NAA16: variants seen among roughly 807,000 people sequenced by gnomAD.
NAA16 encodes N-alpha-acetyltransferase 16, NatA auxiliary subunit.
A neutral mutation model predicts 110.3 loss-of-function variants in NAA16; 97 were observed. The ratio of observed to expected loss-of-function variants is 0.88; its 90% confidence interval spans 0.75 to 1.04. NAA16 has a LOEUF of 1.04. Among genes scored for constraint, NAA16 ranks in the 50% least tolerant of loss-of-function variants. The probability of loss-of-function intolerance (pLI) is 0.00; values close to 1 mark genes in which losing one functional copy is unlikely to be tolerated. For synonymous variants in NAA16, 372 were observed against 330.6 expected (o/e 1.13, Z -1.36); for missense variants, 1,017 against 1,005.1 (o/e 1.01, Z -0.16).
intron 5 of NAA16, among the ~76,000 whole-genome samples, 155 bp downstream of exon 5, chr13:41,323,345 T>TTC (rs1278833925): frequency 6.6e-6 from 1 of 150,642 alleles, no homozygotes; most frequent in Non-Finnish European, 1.5e-5. Context: ...AGGATTATTT[T>TTC]TCTCTCTCTT....
At chr13:41,332,256 A>G (rs1343142491) in intron 8 of NAA16, among the ~76,000 whole-genome samples, 1 of 152,198 alleles carries the variant, frequency 6.6e-6, no homozygotes, top group Non-Finnish European at 1.5e-5. Flanking sequence ...AGAACAGAAC[A>G]TCATCATTCC....
intron 5 of NAA16, among the ~76,000 whole-genome samples, chr13:41,325,274 G>T (rs925709301): frequency 4.2e-5 from 1 of 23,532 alleles, no homozygotes; most frequent in East Asian, 1.7e-3. Flanking sequence ...TACATGCACT[G>T]GGAAACCATA....
At chr13:41,375,230 G>T (rs2043405743) in intron 19 of NAA16, among the ~76,000 whole-genome samples, 175 bp from the exon 20 acceptor site, 1 of 152,110 alleles carries the variant, frequency 6.6e-6, no homozygotes. Flanking sequence ...CTTTTTCGGG[G>T]TTGAATTTTT....
intron 2 of NAA16, among the ~76,000 whole-genome samples, chr13:41,317,178 G>A (rs1348522361): frequency 6.6e-6 from 1 of 152,052 alleles, no homozygotes; most frequent in East Asian, 1.9e-4. Context: ...GAGAAAGTAT[G>A]TATCAGTATT....
Position 41,369,146 on chromosome 13 carries a change from A to G in NAA16, c.1810A>G (p.Lys604Glu), listed in dbSNP as rs2043265409. Residue 604 changes from lysine to glutamate, a missense_variant, in exon 15 of 20, where the codon AAA becomes GAA. By Grantham distance (56) the Lys-to-Glu change is moderately conservative (BLOSUM62 1). Transcript: ENST00000379406. ...GCTTAGCAAGCAGAGAAGAGCTCAG[A>G]AAAAGGCTAAACTAGAAGAAGAAAG... ...KMLSKQRRAQ[K>E]KAKLEEERKH... 6.3e-7 allele frequency: 1 copy of G among 1,590,326 alleles called. No individual in the cohort carries two copies. Among genetic ancestry groups the G allele is most frequent in the South Asian group, 1.2e-5 (1 of 84,690 alleles).
At position 41,316,925 on chromosome 13, in the gene NAA16, A is replaced by G. The variant is rs773311671; in HGVS notation, c.134A>G (p.His45Arg). The change falls in exon 2 of 20, where the codon CAT (histidine) becomes CGT (arginine). Residue 45 changes from histidine (H) to arginine (R), a missense_variant. Coordinates refer to ENST00000379406, the MANE Select transcript of NAA16 (RefSeq NM_024561.5). ...MILSNPKFAE[H>R]GETLAMKGLT... The stretch of plus-strand genomic sequence containing the variant: ...CTGTCGAACCCAAAATTTGCTGAAC[A>G]TGGAGGTATTGTCTCATGTGAGAGA... 9.9e-6 allele frequency: 16 copies of G among 1,610,384 alleles called. No individual in the cohort carries two copies. Among genetic ancestry groups the G allele is most frequent in the East Asian group, 6.7e-5 (3 of 44,816 alleles).
chr13:41,347,763 C>G lies in NAA16; in HGVS notation c.1015-7381C>G, dbSNP rs1160397227. Among the ~76,000 whole-genome samples the G allele has an allele frequency of 3.3e-5, 5 of 152,136 alleles. No homozygotes were observed. In the East Asian group the frequency reaches 7.7e-4, roughly 23 times the overall value. On this transcript the variant is annotated intron_variant, in intron 9 of 19. Coordinates refer to ENST00000379406, the MANE Select transcript of NAA16 (RefSeq NM_024561.5). ...GTTTTAATAGATTCCTTAGGATTTT[C>G]TATGTGCAACATCATGTCATCTGCA...
intron 8 of NAA16, among the ~76,000 whole-genome samples, chr13:41,333,427 C>T (rs1250513187): frequency 1.3e-5 from 2 of 152,126 alleles, no homozygotes; most frequent in African/African-American, 4.8e-5. Flanking sequence ...CACTCCCTGT[C>T]ACCCCTCAAC....
Position 41,367,467 on chromosome 13 carries a change from T to G in NAA16, c.1568T>G (p.Phe523Cys). 1.9e-6 allele frequency: 3 copies of G among 1,603,410 alleles called. No individual in the cohort carries two copies. The South Asian group carries it at 3.4e-5, about 18-fold the overall frequency. Residue 523 changes from phenylalanine (F) to cysteine (C), a missense_variant, in exon 14 of 20, where the codon TTC becomes TGC. Transcript: ENST00000379406. ...RHFFEITDDQ[F>C]DFHTYCMRKM... Reference sequence around the variant, plus strand: ...TTTTTTGAGATAACTGATGACCAATTCGACTTCCATACATACTGCATGAGA... The same window carrying G: ...TTTTTTGAGATAACTGATGACCAATGCGACTTCCATACATACTGCATGAGA...
intron 12 of NAA16, among the ~76,000 whole-genome samples, chr13:41,361,605 G>A (rs138563352): frequency 1.3e-5 from 2 of 152,334 alleles, no homozygotes; most frequent in Non-Finnish European, 2.9e-5. Flanking sequence ...AAGACGTTAT[G>A]TATATGTGGG....
chr13:41,350,878 G>A (rs909286689), intron 9 of NAA16, among the ~76,000 whole-genome samples: 1 of 152,078 alleles, frequency 6.6e-6, no homozygotes, highest in Non-Finnish European at 1.5e-5. Context: ...GCCTGCCTCA[G>A]CCCCCGAAAG....
At position 41,328,779 on chromosome 13, in the gene NAA16, CTTGA is replaced by C. The variant is rs758551251; in HGVS notation, c.753_756del (p.Asp252GlufsTer21). On this transcript the variant is annotated frameshift_variant, in exon 7 of 20. Coordinates refer to ENST00000379406, the MANE Select transcript of NAA16 (RefSeq NM_024561.5). LOFTEE classifies it high-confidence loss of function. ...AAGAAGCCAGTGAAGTGTTCAAAAACTTGATTGATCGAAATGCAGAAAATTGGTG... is the reference window on the plus strand; with the variant it reads ...AAGAAGCCAGTGAAGTGTTCAAAAACTTGATCGAAATGCAGAAAATTGGTG... 2 of 1,607,530 alleles carry C rather than the reference CTTGA, an allele frequency of 1.2e-6. No homozygotes were observed. The highest frequency in any genetic ancestry group is 2.2e-5 in the East Asian group (1 of 44,740).
chr13:41,347,235 A>G lies in NAA16; in HGVS notation c.1015-7909A>G. On this transcript the variant is annotated intron_variant, in intron 9 of 19. Transcript: ENST00000379406. ...GTCTCAAAAAAAAAAAAACAAAAAC[A>G]AAAACAAAAAAAGAAATCAGGAAGT... 4.0e-5 allele frequency among the ~76,000 whole-genome samples: 2 copies of G among 50,206 alleles called. 1 individual carries two copies. Among genetic ancestry groups the G allele is most frequent in the Non-Finnish European group, 1.2e-4 (2 of 17,172 alleles). 32.9% of individuals were successfully genotyped at this position (50,206 alleles called of 152,430 possible).
At chr13:41,315,883 C>T (rs1250323166) in intron 1 of NAA16, among the ~76,000 whole-genome samples, 1 of 151,950 alleles carries the variant, frequency 6.6e-6, no homozygotes, top group Non-Finnish European at 1.5e-5. Context: ...GATCCTCCCA[C>T]CTCAGCCTCC....
chr13:41,315,368 G>A (rs139816405), intron 1 of NAA16, among the ~76,000 whole-genome samples: 51 of 152,322 alleles, frequency 3.3e-4, no homozygotes, highest in African/African-American at 1.2e-3. Flanking sequence ...GCAATGGGGT[G>A]TTCTTCGCAT....
chr13:41,353,113 T>TCAAAA (rs57333303), intron 9 of NAA16, among the ~76,000 whole-genome samples: 119,359 of 150,358 alleles, frequency 0.79, 47,572 homozygotes, highest in South Asian at 0.88. Context: ...AGACTCCATC[T>TCAAAA]CAAAACAAAA....
rs568174291 is a variant in NAA16 at position 41,366,055 on chromosome 13, C to CT, written c.1540-1381dup. ...TTACATTAAGAGAAACCACTAACAA[C>CT]TTTATGAAATATGTAATCCTTTGAT... On this transcript the variant is annotated intron_variant, in intron 13 of 19. Coordinates refer to ENST00000379406, the MANE Select transcript of NAA16 (RefSeq NM_024561.5). 3.6e-3 allele frequency among the ~76,000 whole-genome samples: 542 copies of CT among 152,042 alleles called. 1 individual carries two copies. Among genetic ancestry groups the CT allele is most frequent in the African/African-American group, 0.012 (492 of 41,486 alleles).
chr13:41,358,812 T>C lies in NAA16; in HGVS notation c.1260T>C (p.His420=), dbSNP rs754379612. Residue 420 remains histidine, a splice_region_variant and synonymous_variant, in exon 12 of 20, where the codon CAT becomes CAC. Transcript: ENST00000379406. ...GTTCCTTTAATTATCTTTTATAGCA[T>C]ATAGGTAATCTCAAAGAAGCTGCAA... The part of the protein sequence containing the change: ...LFYMKAKIYK[H]IGNLKEAAKW... 3 of 1,597,544 alleles carry C rather than the reference T, an allele frequency of 1.9e-6. No individual in the cohort carries two copies. Among genetic ancestry groups the C allele is most frequent in the Admixed American group, 3.4e-5 (2 of 58,688 alleles).
Position 41,318,855 on chromosome 13 carries a change from A to G in NAA16, c.189A>G (p.Glu63=). 6.2e-7 allele frequency: 1 copy of G among 1,604,954 alleles called. No individual in the cohort carries two copies. Among genetic ancestry groups the G allele is most frequent in the East Asian group, 2.2e-5 (1 of 44,550 alleles). ...GLTLNCLGKK[E]EAYEFVRKGL... Reference sequence around the variant, plus strand: ...CACTGAACTGTTTAGGAAAAAAAGAAGAAGCTTATGAGTTTGTTCGTAAAG... The same window carrying G: ...CACTGAACTGTTTAGGAAAAAAAGAGGAAGCTTATGAGTTTGTTCGTAAAG... The change falls in exon 3 of 20, where the codon GAA becomes GAG. Residue 63 remains glutamate, a synonymous_variant. Coordinates refer to ENST00000379406, the MANE Select transcript of NAA16 (RefSeq NM_024561.5).
Sources: allele counts gnomAD v4.1 joint callset (sites outside exome capture counted in the v4.1 genomes callset), GRCh38; gene constraint gnomAD v4.1.1; transcripts MANE v1.5; gene names NCBI Gene and HGNC (gene_info 2026-07-23, HGNC 2026-07-21).